The following GSN variants were observed in gnomAD, a reference collection of about 807,000 sequenced individuals.
GSN encodes the protein gelsolin.
GSN carries 56 observed loss-of-function variants against 85.7 expected under a neutral mutation model. The observed-to-expected ratio is 0.65, with a 90% confidence interval of 0.53 to 0.82. The LOEUF (loss-of-function observed/expected upper bound fraction) is 0.82, where lower values mean the gene tolerates loss of function less well. GSN is among the 40% of genes least tolerant of loss of function. GSN has a pLI of 0.00. For missense variants in GSN, 857 were observed against 979.8 expected (o/e 0.87, Z 1.67); for synonymous variants, 373 against 399.1 (o/e 0.93, Z 0.78).
chr9:121,295,249 G>C (rs1486332404), intron 2 of GSN, among the ~76,000 whole-genome samples: 1 of 152,198 alleles, frequency 6.6e-6, no homozygotes, highest in African/African-American at 2.4e-5. Flanking sequence ...GCTGAGTCCA[G>C]ATTCGCAAAC....
intron 1 of GSN, among the ~76,000 whole-genome samples, chr9:121,271,202 C>G (rs1323305831): frequency 2.6e-5 from 4 of 152,138 alleles, no homozygotes; most frequent in Non-Finnish European, 5.9e-5. Context: ...AACCCTGTCT[C>G]TACTGAAAAT....
At chr9:121,227,751 T>C (rs1354447345) in intron 4 of GSN, among the ~76,000 whole-genome samples, 1 of 152,152 alleles carries the variant, frequency 6.6e-6, no homozygotes, top group Non-Finnish European at 1.5e-5. Context: ...TACATGAGAA[T>C]AGATACACAC....
At chr9:121,207,376 A>G (rs1163295732), upstream of GSN, among the ~76,000 whole-genome samples, 1 of 152,230 alleles carries the variant, frequency 6.6e-6, no homozygotes, top group Non-Finnish European at 1.5e-5. Flanking sequence ...AAGGGGTACC[A>G]GCACACACAG....
chr9:121,266,603 A>G (rs2055218030), upstream of GSN, among the ~76,000 whole-genome samples: 1 of 152,222 alleles, frequency 6.6e-6, no homozygotes, highest in Non-Finnish European at 1.5e-5. Flanking sequence ...GACATTGAGC[A>G]AAGAAGCGAG....
Position 121,328,878 on chromosome 9 carries a change from C to T in GSN, c.1763-13C>T, listed in dbSNP as rs1221076019. ...TGGCGTCCCTTGGCAACTGGCGTGG[C>T]CTCCCCTCACAGATGGCTTCTGGGA... On this transcript the variant is annotated splice_polypyrimidine_tract_variant and intron_variant, in intron 14 of 17. Transcript: ENST00000432226. The T allele has an allele frequency of 6.2e-7, 1 of 1,608,892 alleles. No individual in the cohort carries two copies. The highest frequency in any genetic ancestry group is 1.1e-5 in the South Asian group (1 of 91,016).
intron 4 of GSN, among the ~76,000 whole-genome samples, chr9:121,220,954 A>G (rs2054158375): frequency 6.6e-6 from 1 of 152,254 alleles, no homozygotes; most frequent in African/African-American, 2.4e-5. Context: ...TAAGTAAACA[A>G]TGGTGTGATT....
At chr9:121,251,634 G>A (rs1049404924) in intron 6 of GSN, among the ~76,000 whole-genome samples, 3 of 152,080 alleles carry the variant, frequency 2.0e-5, no homozygotes, top group East Asian at 3.8e-4. Context: ...GACAATGGAG[G>A]TGTTGAGGGT....
intron 16 of GSN, 82 bp from the exon 17 acceptor site, chr9:121,331,306 C>T (rs1264241038): frequency 2.4e-6 from 2 of 819,722 alleles, no homozygotes; most frequent in Non-Finnish European, 4.2e-6. Context: ...TGGTCTGATA[C>T]CTGGCCCCTC....
chr9:121,311,963 T>C (rs370055913), intron 5 of GSN: 2 of 240,340 alleles, frequency 8.3e-6, no homozygotes, highest in African/African-American at 4.6e-5. Context: ...TGTCAGGTAT[T>C]TTCCTAGAAG....
rs553637391 is a variant in GSN, at chr9:121,285,504, G to A, written c.-10+3942G>A. 3.2e-4 allele frequency: 53 copies of A among 167,886 alleles called. 1 individual carries two copies. The highest frequency in any genetic ancestry group is 1.0e-3 in the African/African-American group (42 of 41,574). 10.4% of individuals were successfully genotyped at this position (167,886 alleles called of 1,614,324 possible). A position where few individuals can be genotyped will look rare whatever the true frequency, so the allele number is the denominator to read the frequency against. ...CACAAGGCTGGTACAGCATGGCCAG[G>A]TGGCTGGGTTCTCAAAAATACTAAA... On this transcript the variant is annotated intron_variant, in intron 2 of 17. Coordinates refer to ENST00000432226, the MANE Select transcript of GSN (RefSeq NM_198252.3).
At position 121,299,003 on chromosome 9, in the gene GSN, A is replaced by T. The variant is rs1380879529; in HGVS notation, c.-9-2960A>T. Among the ~76,000 whole-genome samples the T allele has an allele frequency of 6.6e-6, 1 of 152,186 alleles. No individual in the cohort carries two copies. Among genetic ancestry groups the T allele is most frequent in the Non-Finnish European group, 1.5e-5 (1 of 68,034 alleles). Reference sequence around the variant, plus strand: ...GGAAACCAAACAAAACAACTTCAGGAAGTAACAAGGGCTTGCTTAGAGACA... The same window carrying T: ...GGAAACCAAACAAAACAACTTCAGGTAGTAACAAGGGCTTGCTTAGAGACA... On this transcript the variant is annotated intron_variant, in intron 2 of 17. Coordinates refer to ENST00000432226, the MANE Select transcript of GSN (RefSeq NM_198252.3). This position sits in a 1 kb window ranked among gnomAD's most constrained non-coding sequence, Gnocchi z 4.2.
At chr9:121,270,453 TG>T (rs2055773644) in intron 1 of GSN, among the ~76,000 whole-genome samples, 1 of 152,160 alleles carries the variant, frequency 6.6e-6, no homozygotes, top group Non-Finnish European at 1.5e-5. Flanking sequence ...ACTAGAGCAG[TG>T]GCCACTGGGA....
At chr9:121,259,533 TG>T (rs2055036264) in intron 6 of GSN, among the ~76,000 whole-genome samples, 1 of 151,838 alleles carries the variant, frequency 6.6e-6, no homozygotes, top group South Asian at 2.1e-4. Context: ...GGTTTTGGGG[TG>T]ATACAAAGCA....
At chr9:121,304,698 G>T (rs2060226641) in intron 4 of GSN, among the ~76,000 whole-genome samples, 1 of 152,160 alleles carries the variant, frequency 6.6e-6, no homozygotes, top group African/African-American at 2.4e-5. Context: ...AGGTTATCTC[G>T]TTTCAGCCTC....
intron 2 of GSN, among the ~76,000 whole-genome samples, chr9:121,296,947 GTT>G (rs2059278476): frequency 6.6e-6 from 1 of 152,228 alleles, no homozygotes; most frequent in Non-Finnish European, 1.5e-5. Context: ...TGGTCCCTGG[GTT>G]GATGGCCAGT....
chr9:121,226,106 G>A (rs572469178), intron 4 of GSN, among the ~76,000 whole-genome samples: 2 of 152,140 alleles, frequency 1.3e-5, no homozygotes, highest in African/African-American at 2.4e-5. Flanking sequence ...GCCCGGCAGA[G>A]CCTGGCACTT....
At chr9:121,331,551 C>A in intron 17 of GSN, 103 bp downstream of exon 17, 1 of 729,438 alleles carries the variant, frequency 1.4e-6, no homozygotes, top group Non-Finnish European at 2.5e-6. Context: ...TTCCAGGGGA[C>A]TGATGGACAA....
intron 2 of GSN, among the ~76,000 whole-genome samples, chr9:121,300,940 T>A (rs112314458): frequency 3.3e-5 from 5 of 152,126 alleles, no homozygotes; most frequent in African/African-American, 1.2e-4. Flanking sequence ...GTGCACCCAC[T>A]TAGCGTGCAC....
At chr9:121,293,346 A>T (rs1431671023) in intron 2 of GSN, among the ~76,000 whole-genome samples, 1 of 151,856 alleles carries the variant, frequency 6.6e-6, no homozygotes, top group Non-Finnish European at 1.5e-5. Context: ...CCTCAACCTC[A>T]TCACCACTGG....
Sources: gnomAD v4.1 joint callset for allele counts (sites outside exome capture counted in the v4.1 genomes callset) on GRCh38, gnomAD v4.1.1 for gene constraint, Gnocchi (gnomAD v3.1) non-coding constraint, MANE v1.5 for transcripts, NCBI Gene and HGNC (gene_info 2026-07-23, HGNC 2026-07-21) for gene names.